The following FANCL variants were observed in gnomAD, a reference collection of about 807,000 sequenced individuals.
The protein encoded by FANCL is E3 ubiquitin-protein ligase FANCL.
A neutral mutation model predicts 59.4 loss-of-function variants in FANCL; 69 were observed. The ratio of observed to expected loss-of-function variants is 1.16; its 90% CI spans 0.96 to 1.42. The LOEUF (loss-of-function observed/expected upper bound fraction) is 1.42, where lower values mean the gene tolerates loss of function less well. Ranked by LOEUF, FANCL falls within the 40% of genes most tolerant of loss-of-function variation. The pLI, the probability that FANCL is intolerant of heterozygous loss-of-function variation, is 0.00. For missense variants in FANCL, 519 were observed against 447.2 expected (o/e 1.16, Z -1.45); for synonymous variants, 180 against 147.1 (o/e 1.22, Z -1.62).
intron 3 of FANCL, among the ~76,000 whole-genome samples, chr2:58,228,040 AAATTAACAATTATT>A (rs1693206531): frequency 6.6e-6 from 1 of 151,270 alleles, no homozygotes; most frequent in South Asian, 2.1e-4. Flanking sequence ...TGGCAGCAAT[AAATTAACAATTATT>A]AATTAACAAT....
chr2:58,182,488 T>C (rs911838096), intron 7 of FANCL, among the ~76,000 whole-genome samples: 1 of 151,866 alleles, frequency 6.6e-6, no homozygotes, highest in Non-Finnish European at 1.5e-5. Context: ...GTTGTTAATG[T>C]TTAAAATAAT....
At chr2:58,227,180 C>G (rs1457495785) in intron 3 of FANCL, among the ~76,000 whole-genome samples, 1 of 152,146 alleles carries the variant, frequency 6.6e-6, no homozygotes, top group South Asian at 2.1e-4. Flanking sequence ...CTGTGGAGCT[C>G]CAACCCCACA....
chr2:58,219,140 T>TAAAAAAAAAAAAAAAAAAAAAAAAAAAA, intron 5 of FANCL, among the ~76,000 whole-genome samples: 1 of 16,604 alleles, frequency 6.0e-5, no homozygotes, highest in South Asian at 6.5e-3. Context: ...AAATACATGC[T>TAAAAAAAAAAAAAAAAAAAAAAAAAAAA]AAAAAAAAAA....
chr2:58,162,137 T>G (rs1281120390), intron 11 of FANCL, among the ~76,000 whole-genome samples: 1 of 151,972 alleles, frequency 6.6e-6, no homozygotes, highest in East Asian at 1.9e-4. Flanking sequence ...AGCTAGTGAT[T>G]ACTAAACAGC....
At chr2:58,168,823 A>G (rs539274481) in intron 7 of FANCL, among the ~76,000 whole-genome samples, 1 of 152,246 alleles carries the variant, frequency 6.6e-6, no homozygotes, top group South Asian at 2.1e-4. Flanking sequence ...AGTGTATACA[A>G]TGCCACGAGG....
rs538106751 is a variant in FANCL, at chr2:58,236,247, G to A, written c.97-4135C>T. Among the ~76,000 whole-genome samples the A allele has an allele frequency of 4.0e-5, 6 of 151,660 alleles. No individual in the cohort carries two copies. The East Asian group carries it at 7.7e-4, about 20-fold the overall frequency. ...AGAAAAATCTTAAAAGCAGCCAGAG[G>A]AAAAAAATATTCTATTTACAGAGAA... On this transcript the variant is annotated intron_variant, in intron 1 of 13. Coordinates refer to ENST00000233741, the MANE Select transcript of FANCL (RefSeq NM_018062.4).
At chr2:58,160,082 T>C (rs915287755) in intron 13 of FANCL, 26 bp downstream of exon 13, 28 of 1,609,972 alleles carry the variant, frequency 1.7e-5, no homozygotes, top group Non-Finnish European at 2.2e-5. Flanking sequence ...GCACATTTTA[T>C]GAGATGTGAT....
intron 7 of FANCL, among the ~76,000 whole-genome samples, chr2:58,171,254 A>T (rs1419734466): frequency 6.6e-6 from 1 of 152,160 alleles, no homozygotes; most frequent in Admixed American, 6.5e-5. Context: ...AAACTGAACA[A>T]CCTTCTCCTG....
chr2:58,238,603 C>T (rs1224178795), intron 1 of FANCL, among the ~76,000 whole-genome samples: 1 of 152,122 alleles, frequency 6.6e-6, no homozygotes, highest in Non-Finnish European at 1.5e-5. Context: ...AAGAGAAAAT[C>T]TGATAATAGA....
intron 7 of FANCL, among the ~76,000 whole-genome samples, chr2:58,173,699 C>T (rs562858175): frequency 1.3e-5 from 2 of 152,202 alleles, no homozygotes; most frequent in East Asian, 1.9e-4. Flanking sequence ...ATTGTAAAGA[C>T]CATCGAGGCT....
intron 4 of FANCL, among the ~76,000 whole-genome samples, chr2:58,225,278 A>G (rs57033851): frequency 0.043 from 6,455 of 151,872 alleles, 165 homozygotes; most frequent in East Asian, 0.096. Context: ...GCACCAACTC[A>G]TTATTCTAAA....
Position 58,177,224 on chromosome 2 carries a change from G to A in FANCL, c.541-11350C>T, listed in dbSNP as rs906468508. ...CAACCCTTGTGGAAGTCAGTGTGGCGATTCCTCAGGGATCTAGGACTAGAA... is the reference window on the plus strand; with the variant it reads ...CAACCCTTGTGGAAGTCAGTGTGGCAATTCCTCAGGGATCTAGGACTAGAA... On this transcript the variant is annotated intron_variant, in intron 7 of 13. Transcript: ENST00000233741. Among the ~76,000 whole-genome samples the A allele has an allele frequency of 5.9e-5, 9 of 152,254 alleles. No individual in the cohort carries two copies. In the East Asian group the frequency reaches 1.4e-3, roughly 23 times the overall value.
chr2:58,225,016 G>A (rs1179284559), intron 4 of FANCL, among the ~76,000 whole-genome samples: 2 of 151,794 alleles, frequency 1.3e-5, no homozygotes, highest in Non-Finnish European at 3.0e-5. Context: ...TTGGAGAAAT[G>A]GCTGATTACA....
In FANCL at chr2:58,160,272, G is replaced by GT. The variant is rs1377362322; in HGVS notation, c.1021-94dup. On this transcript the variant is annotated intron_variant, in intron 12 of 13. Transcript: ENST00000233741. ...TTCCCTTTGTTTTTAAGTGCATTAT[G>GT]TTTTTATTCCAGAAGACTTAGCTTA... 4.6e-6 allele frequency: 6 copies of GT among 1,299,350 alleles called. No individual in the cohort carries two copies. In the African/African-American group the frequency reaches 7.3e-5, roughly 16 times the overall value. 80.5% of individuals were successfully genotyped at this position (1,299,350 alleles called of 1,614,324 possible).
rs542160975 is a variant in FANCL, at chr2:58,170,502, A to G, written c.541-4628T>C. 2.0e-5 allele frequency among the ~76,000 whole-genome samples: 3 copies of G among 152,322 alleles called. No homozygotes were observed. The South Asian group carries it at 6.2e-4, about 32-fold the overall frequency. On this transcript the variant is annotated intron_variant, in intron 7 of 13. Coordinates refer to ENST00000233741, the MANE Select transcript of FANCL (RefSeq NM_018062.4). ...ACTAACAAAATAACCAGCTAGCATC[A>G]TAATGACAGGATCAAATTTACACAT...
rs141995884 is a variant in FANCL, at chr2:58,166,557, T to C, written c.541-683A>G. On this transcript the variant is annotated intron_variant, in intron 7 of 13. Coordinates refer to ENST00000233741, the MANE Select transcript of FANCL (RefSeq NM_018062.4). ...CCATCACTGACTTTAAAAATCAGTT[T>C]TTAAACAAAGGAGTTTCTCATGAAA... Among the ~76,000 whole-genome samples the C allele has an allele frequency of 5.0e-3, 765 of 152,350 alleles. 8 individuals are homozygous for C. The highest frequency in any genetic ancestry group is 0.025 in the South Asian group (121 of 4,832).
At chr2:58,194,288 TTTC>T (rs1319485003) in intron 7 of FANCL, 2 of 470,844 alleles carry the variant, frequency 4.2e-6, no homozygotes, top group Non-Finnish European at 8.8e-6. Context: ...ACAAAAGGAA[TTTC>T]GTTTTTTTAT....
intron 7 of FANCL, among the ~76,000 whole-genome samples, chr2:58,171,808 C>T (rs755566712): frequency 6.6e-6 from 1 of 152,202 alleles, no homozygotes; most frequent in Non-Finnish European, 1.5e-5. Context: ...CGAGGCACTG[C>T]CTCCCTCGGG....
At position 58,232,050 on chromosome 2, in the gene FANCL, T is replaced by C. The variant is rs1264877990; in HGVS notation, c.155+4A>G. 3 of 1,612,678 alleles carry C rather than the reference T, an allele frequency of 1.9e-6. No homozygotes were observed. Among genetic ancestry groups the C allele is most frequent in the African/African-American group, 2.7e-5 (2 of 74,882 alleles). The stretch of plus-strand genomic sequence containing the variant: ...TGCACGTTTATAACTAAACACCATA[T>C]CACCTTGCATTCTTCAGTTGTAAAT... On this transcript the variant is annotated splice_donor_region_variant and intron_variant, in intron 2 of 13. Transcript: ENST00000233741.
Sources: gnomAD v4.1 joint callset for allele counts (sites outside exome capture counted in the v4.1 genomes callset) on GRCh38, gnomAD v4.1.1 for gene constraint, MANE v1.5 for transcripts, NCBI Gene and HGNC (gene_info 2026-07-23, HGNC 2026-07-21) for gene names.